SYNPR: variants seen among roughly 807,000 people sequenced by gnomAD.
SYNPR encodes synaptoporin.
SYNPR carries 23 observed loss-of-function variants against 32.9 expected under a neutral mutation model. The observed-to-expected ratio is 0.70, with a 90% CI of 0.50 to 0.99. The LOEUF is 0.99. Among genes scored for constraint, SYNPR ranks in the 50% least tolerant of loss-of-function variants. The probability of loss-of-function intolerance (pLI) is 0.00; values close to 1 mark genes in which losing one functional copy is unlikely to be tolerated. For missense variants in SYNPR, 318 were observed against 349.3 expected (o/e 0.91, Z 0.71); for synonymous variants, 146 against 135.9 (o/e 1.07, Z -0.52).
chr3:63,529,416 T>C (rs1702072232), intron 3 of SYNPR, among the ~76,000 whole-genome samples: 1 of 152,206 alleles, frequency 6.6e-6, no homozygotes, highest in Non-Finnish European at 1.5e-5. Context: ...CAATTTGTAG[T>C]TGGTTGAATC....
At chr3:63,553,311 G>A (rs2106823750) in intron 3 of SYNPR, among the ~76,000 whole-genome samples, 3 of 152,286 alleles carry the variant, frequency 2.0e-5, no homozygotes, top group Middle Eastern at 3.4e-3. Flanking sequence ...TGGGGTATAT[G>A]TGCCACATTT....
chr3:63,494,393 T>TTATATA lies in SYNPR; in HGVS notation c.209+13456_209+13461dup, dbSNP rs60624781. 1.3e-3 allele frequency among the ~76,000 whole-genome samples: 73 copies of TTATATA among 54,946 alleles called. No homozygotes were observed. In the East Asian group the frequency reaches 0.025, roughly 19 times the overall value. 36.0% of individuals were successfully genotyped at this position (54,946 alleles called of 152,430 possible). A position where few individuals can be genotyped will look rare whatever the true frequency, so the allele number is the denominator to read the frequency against. ...AAAAGTAGGGTGGATATGTTAATTC[T>TTATATA]TATATATATATATATATATATATAC... is the stretch of plus-strand genomic sequence containing the variant. On this transcript the variant is annotated intron_variant, in intron 3 of 5. Transcript: ENST00000478300.
chr3:63,548,562 G>A (rs778171926), intron 3 of SYNPR, among the ~76,000 whole-genome samples: 4 of 152,108 alleles, frequency 2.6e-5, no homozygotes, highest in East Asian at 3.8e-4. Flanking sequence ...TAAAGACAAC[G>A]CAATCTAAAA....
chr3:63,278,399 C>A lies in SYNPR; in HGVS notation c.-135C>A. On this transcript the variant is annotated 5_prime_UTR_variant, in exon 1 of 6. Transcript: ENST00000478300. ...CGGGTGGGCTCCCCGAGGCCCCCTG[C>A]CCTCGCCGGGCTGCTCCAGGGTGTC... is the stretch of plus-strand genomic sequence containing the variant. The A allele has an allele frequency of 8.4e-7, 1 of 1,186,220 alleles. No homozygotes were observed. The highest frequency in any genetic ancestry group is 1.2e-6 in the Non-Finnish European group (1 of 862,788). 73.5% of individuals were successfully genotyped at this position (1,186,220 alleles called of 1,614,324 possible).
chr3:63,385,138 T>C (rs1197515894), intron 2 of SYNPR, among the ~76,000 whole-genome samples: 3 of 152,208 alleles, frequency 2.0e-5, no homozygotes, highest in African/African-American at 7.2e-5. Context: ...ATTTACTTAA[T>C]ATTCACTAGA....
chr3:63,489,087 T>C (rs745346982), intron 3 of SYNPR, among the ~76,000 whole-genome samples: 3 of 152,084 alleles, frequency 2.0e-5, no homozygotes, highest in Non-Finnish European at 4.4e-5. Flanking sequence ...GCAAGTAGTT[T>C]TCTTGGAAGA....
chr3:63,221,939 G>T, the SYNPR span, among the ~76,000 whole-genome samples: 24 of 148,744 alleles, frequency 1.6e-4, no homozygotes, highest in African/African-American at 5.7e-4. Flanking sequence ...GGTGGCTGAT[G>T]ATAGTAGTTG....
At chr3:63,294,819 A>C (rs2086777588) in intron 2 of SYNPR, among the ~76,000 whole-genome samples, 1 of 152,124 alleles carries the variant, frequency 6.6e-6, no homozygotes, top group Admixed American at 6.6e-5. Context: ...ATTTTACTTT[A>C]AATAATACTC....
At chr3:63,255,891 G>A (rs1163882288) in intron 2 of SYNPR, among the ~76,000 whole-genome samples, 1 of 152,232 alleles carries the variant, frequency 6.6e-6, no homozygotes, top group African/African-American at 2.4e-5. Context: ...CTTTTCCAAT[G>A]GTGTTAGCAA....
chr3:63,572,281 C>A (rs995559508), intron 4 of SYNPR, among the ~76,000 whole-genome samples: 3 of 119,948 alleles, frequency 2.5e-5, no homozygotes, highest in African/African-American at 5.7e-5. Flanking sequence ...TTCTCCTTCT[C>A]CTCCTCCTCC....
chr3:63,367,999 G>A (rs2087748579), intron 2 of SYNPR, among the ~76,000 whole-genome samples: 1 of 152,160 alleles, frequency 6.6e-6, no homozygotes, highest in East Asian at 1.9e-4. Context: ...CAGTTTAGAG[G>A]TTATTACAGC....
chr3:63,400,387 G>A (rs533978338), intron 2 of SYNPR, among the ~76,000 whole-genome samples: 8 of 152,326 alleles, frequency 5.3e-5, no homozygotes, highest in Non-Finnish European at 8.8e-5. Flanking sequence ...TGTCAGTCAC[G>A]GCTGCAGTAA....
intron 3 of SYNPR, among the ~76,000 whole-genome samples, chr3:63,501,142 A>T (rs538797664): frequency 3.0e-4 from 45 of 152,286 alleles, no homozygotes; most frequent in African/African-American, 1.0e-3. Flanking sequence ...TTAGGGGTCT[A>T]GAATTCTAAA....
intron 2 of SYNPR, among the ~76,000 whole-genome samples, chr3:63,453,280 A>G (rs962313238): frequency 1.3e-5 from 2 of 152,164 alleles, no homozygotes; most frequent in African/African-American, 2.4e-5. Flanking sequence ...CTCTTCACAG[A>G]GGAGTCAGGA....
At chr3:63,498,481 C>A (rs902673397) in intron 3 of SYNPR, among the ~76,000 whole-genome samples, 10 of 151,906 alleles carry the variant, frequency 6.6e-5, no homozygotes, top group Admixed American at 2.0e-4. Flanking sequence ...GGTACCATGA[C>A]AAAAATTAAA....
At chr3:63,387,823 C>T (rs1216875879) in intron 2 of SYNPR, among the ~76,000 whole-genome samples, 1 of 152,026 alleles carries the variant, frequency 6.6e-6, no homozygotes, top group Non-Finnish European at 1.5e-5. Flanking sequence ...AATTGGGTGG[C>T]GGAGGGACAA....
chr3:63,266,778 C>CAA (rs2086493850), intron 2 of SYNPR, among the ~76,000 whole-genome samples: 1 of 151,644 alleles, frequency 6.6e-6, no homozygotes, highest in Admixed American at 6.6e-5. Flanking sequence ...TCTCACTTGT[C>CAA]AACATGCTGG....
intron 2 of SYNPR, among the ~76,000 whole-genome samples, chr3:63,364,715 G>T (rs2087709412): frequency 6.6e-6 from 1 of 152,180 alleles, no homozygotes; most frequent in African/African-American, 2.4e-5. Flanking sequence ...AAGACTTCTA[G>T]AAGTGGTTTG....
intron 4 of SYNPR, among the ~76,000 whole-genome samples, chr3:63,583,816 T>C (rs757621723): frequency 7.2e-5 from 11 of 152,038 alleles, no homozygotes; most frequent in African/African-American, 2.4e-5. Flanking sequence ...TAGGTGTGAG[T>C]GGTGGTCTGA....
Sources: allele counts gnomAD v4.1 joint callset (sites outside exome capture counted in the v4.1 genomes callset), GRCh38; gene constraint gnomAD v4.1.1; transcripts MANE v1.5; gene names NCBI Gene and HGNC (gene_info 2026-07-23, HGNC 2026-07-21).